AP3B1: variants seen among roughly 807,000 people sequenced by gnomAD.
AP3B1 encodes AP-3 complex subunit beta-1.
In AP3B1, 61 loss-of-function variants were observed where a neutral mutation model predicts 132.5. That is an observed-to-expected ratio of 0.46 (90% CI 0.37 to 0.57). The LOEUF (loss-of-function observed/expected upper bound fraction) is 0.57, where lower values mean the gene tolerates loss of function less well. Ranked by LOEUF, AP3B1 falls within the 20% of genes least tolerant of loss-of-function variation. AP3B1 has a pLI of 0.00. For synonymous variants in AP3B1, 388 were observed against 438.3 expected (o/e 0.89, Z 1.43); for missense variants, 1,120 against 1,289.4 (o/e 0.87, Z 2.01).
chr5:78,242,623 C>A (rs1173561253), intron 2 of AP3B1, among the ~76,000 whole-genome samples: 1 of 151,920 alleles, frequency 6.6e-6, no homozygotes, highest in South Asian at 2.1e-4. Context: ...ACCAGGCTGG[C>A]CTTGAACTCC....
At chr5:78,127,911 T>C (rs1752528495) in intron 17 of AP3B1, 119 bp downstream of exon 17, 1 of 1,199,002 alleles carries the variant, frequency 8.3e-7, no homozygotes, top group African/African-American at 1.5e-5. Context: ...ACATTACATT[T>C]AGAAATACTA....
chr5:78,270,896 T>C (rs908080020), intron 1 of AP3B1, among the ~76,000 whole-genome samples: 2 of 152,176 alleles, frequency 1.3e-5, no homozygotes, highest in Admixed American at 6.5e-5. Context: ...CATCTGGTTC[T>C]CCATTCGCAT....
chr5:78,031,761 C>T (rs1477897018), intron 24 of AP3B1, among the ~76,000 whole-genome samples: 1 of 152,150 alleles, frequency 6.6e-6, no homozygotes, highest in Non-Finnish European at 1.5e-5. Flanking sequence ...TGTTTATCTG[C>T]TCCTATTTGT....
chr5:78,111,266 A>G (rs1381649263), intron 19 of AP3B1, among the ~76,000 whole-genome samples: 1 of 152,190 alleles, frequency 6.6e-6, no homozygotes, highest in African/African-American at 2.4e-5. Flanking sequence ...CTTTTAAAAT[A>G]TCAAATGATC....
At chr5:78,170,354 C>T (rs1743858880) in intron 11 of AP3B1, among the ~76,000 whole-genome samples, 1 of 152,196 alleles carries the variant, frequency 6.6e-6, no homozygotes, top group Non-Finnish European at 1.5e-5. Context: ...AATGGTTGAA[C>T]TAGTTTACAG....
chr5:78,131,054 A>G (rs754580894), intron 15 of AP3B1, among the ~76,000 whole-genome samples: 33 of 151,872 alleles, frequency 2.2e-4, no homozygotes, highest in Non-Finnish European at 3.4e-4. Context: ...AAGCTTATAA[A>G]TAAGTTTTAT....
chr5:78,238,296 T>C (rs1746968178), intron 3 of AP3B1, among the ~76,000 whole-genome samples: 2 of 152,220 alleles, frequency 1.3e-5, no homozygotes, highest in Admixed American at 1.3e-4. Context: ...TGGGACCATC[T>C]AGTTGTAAGA....
At chr5:78,262,752 G>A (rs1355965444) in intron 2 of AP3B1, among the ~76,000 whole-genome samples, 1 of 151,656 alleles carries the variant, frequency 6.6e-6, no homozygotes, top group Non-Finnish European at 1.5e-5. Flanking sequence ...GAGTGCAGTG[G>A]CATGAACACA....
intron 7 of AP3B1, among the ~76,000 whole-genome samples, chr5:78,192,654 G>C (rs1744892502): frequency 6.6e-6 from 1 of 152,068 alleles, no homozygotes. Context: ...AAAAAAGAAA[G>C]AAAGAAAGAA....
chr5:78,241,420 T>C (rs1042097170), intron 2 of AP3B1, among the ~76,000 whole-genome samples: 7 of 152,170 alleles, frequency 4.6e-5, no homozygotes, highest in African/African-American at 1.7e-4. Context: ...TAAAAACTTT[T>C]TAAAAATATT....
chr5:78,095,150 G>A (rs1385825539), intron 21 of AP3B1, among the ~76,000 whole-genome samples: 1 of 152,126 alleles, frequency 6.6e-6, no homozygotes, highest in Non-Finnish European at 1.5e-5. Flanking sequence ...AGAGTTCCTT[G>A]GGTAGGGACA....
intron 17 of AP3B1, among the ~76,000 whole-genome samples, chr5:78,122,982 C>T (rs1752291056): frequency 6.6e-6 from 1 of 152,212 alleles, no homozygotes; most frequent in South Asian, 2.1e-4. Flanking sequence ...CAGCATGGTA[C>T]TGGTACCAAA....
chr5:78,024,006 G>T (rs907171037), intron 24 of AP3B1, among the ~76,000 whole-genome samples: 2 of 152,176 alleles, frequency 1.3e-5, no homozygotes, highest in Admixed American at 1.3e-4. Flanking sequence ...GGTAAAAGAG[G>T]TTGGGATGAA....
chr5:78,139,728 G>T (rs1365829069), intron 15 of AP3B1, among the ~76,000 whole-genome samples: 1 of 152,148 alleles, frequency 6.6e-6, no homozygotes, highest in Non-Finnish European at 1.5e-5. Flanking sequence ...TGTGGTCTAT[G>T]GGGAAGCAGG....
chr5:78,200,644 T>G (rs1356154950), intron 7 of AP3B1, among the ~76,000 whole-genome samples: 1 of 152,132 alleles, frequency 6.6e-6, no homozygotes, highest in African/African-American at 2.4e-5. Flanking sequence ...ACAGAGACCC[T>G]GCCTCATTAA....
intron 2 of AP3B1, among the ~76,000 whole-genome samples, chr5:78,256,690 C>G (rs935080620): frequency 9.9e-5 from 15 of 152,116 alleles, no homozygotes; most frequent in African/African-American, 2.9e-4. Flanking sequence ...ACCCTGATAC[C>G]AAAACCAGAC....
At chr5:78,186,279 G>C (rs966168598) in intron 7 of AP3B1, among the ~76,000 whole-genome samples, 2 of 152,048 alleles carry the variant, frequency 1.3e-5, no homozygotes, top group African/African-American at 4.8e-5. Flanking sequence ...TCAGAGCAAA[G>C]AAAATTACAA....
At chr5:78,239,443 C>T (rs992582131) in intron 3 of AP3B1, among the ~76,000 whole-genome samples, 1 of 147,848 alleles carries the variant, frequency 6.8e-6, no homozygotes, top group Admixed American at 6.8e-5. Context: ...TGCACTCCAG[C>T]CTGGGAGATA....
intron 8 of AP3B1, among the ~76,000 whole-genome samples, chr5:78,180,509 C>T (rs1054648683): frequency 6.6e-6 from 1 of 151,868 alleles, no homozygotes; most frequent in African/African-American, 2.4e-5. Flanking sequence ...ATCAGACAAA[C>T]CCAGAAGGAC....
Sources: gnomAD v4.1 joint callset for allele counts (sites outside exome capture counted in the v4.1 genomes callset) on GRCh38, gnomAD v4.1.1 for gene constraint, MANE v1.5 for transcripts, NCBI Gene and HGNC (gene_info 2026-07-23, HGNC 2026-07-21) for gene names.